DGKK: variants seen among roughly 807,000 people sequenced by gnomAD.
DGKK encodes the protein 142 kDa diacylglycerol kinase.
DGKK carries 35 observed loss-of-function variants against 92.2 expected under a neutral mutation model. That is an observed-to-expected ratio of 0.38 (90% CI 0.29 to 0.50). The LOEUF is 0.50. DGKK is among the 20% of genes least tolerant of loss of function. DGKK has a pLI of 0.92. For synonymous variants in DGKK, 368 were observed against 360.6 expected (o/e 1.02, Z -0.23); for missense variants, 910 against 992.2 (o/e 0.92, Z 1.11).
At chrX:50,445,188 G>T (rs111474516) in intron 1 of DGKK, among the ~76,000 whole-genome samples, 7,419 of 80,609 alleles carry the variant, frequency 0.092, 776 homozygotes, top group African/African-American at 0.32. Context: ...TTAGACCTTT[G>T]TCAGATGCAT....
At position 50,420,427 on chromosome X, in the gene DGKK, G is replaced by T; in HGVS notation, c.918C>A (p.Thr306=). ...CCTTATAAATTTCTCCCTGTTGGAT[G>T]GTTTTTATGATGTTAATCCATTCTT... ...DMEEWINIIK[T]IQQGEIYKIP... The change falls in exon 4 of 28, where the codon ACC becomes ACA. Residue 306 remains threonine, a synonymous_variant. Transcript: ENST00000611977. 1.7e-6 allele frequency: 2 copies of T among 1,209,623 alleles called. No homozygotes were observed. The highest frequency in any genetic ancestry group is 2.2e-6 in the Non-Finnish European group (2 of 894,200).
intron 25 of DGKK, among the ~76,000 whole-genome samples, chrX:50,372,653 C>T (rs1557223360): frequency 8.9e-6 from 1 of 111,812 alleles, no homozygotes; most frequent in African/African-American, 3.3e-5. Context: ...TAGTAACCCC[C>T]AGCGCCCACA....
At chrX:50,458,358 C>CCCA (rs1926662410) in intron 1 of DGKK, among the ~76,000 whole-genome samples, 1 of 109,912 alleles carries the variant, frequency 9.1e-6, no homozygotes, top group Non-Finnish European at 1.9e-5. Context: ...GTCTATAATA[C>CCCA]TGAAGATAAA....
At chrX:50,402,161 A>G (rs1194852121) in intron 7 of DGKK, among the ~76,000 whole-genome samples, 1 of 112,082 alleles carries the variant, frequency 8.9e-6, no homozygotes, top group African/African-American at 3.2e-5. Context: ...TAAGTCCAGC[A>G]CTTTGGGAGG....
chrX:50,371,312 A>G (rs1258256414), intron 26 of DGKK, among the ~76,000 whole-genome samples: 1 of 112,152 alleles, frequency 8.9e-6, no homozygotes, highest in African/African-American at 3.2e-5. Flanking sequence ...AACCATTTAG[A>G]ACAGGTATTG....
chrX:50,454,902 T>G (rs1405968440), intron 1 of DGKK, among the ~76,000 whole-genome samples: 1 of 112,284 alleles, frequency 8.9e-6, no homozygotes, highest in East Asian at 2.8e-4. Flanking sequence ...TTATTTGTCC[T>G]CTTTTATAAT....
chrX:50,405,050 A>G (rs2147130155), intron 4 of DGKK, among the ~76,000 whole-genome samples: 1 of 111,711 alleles, frequency 9.0e-6, no homozygotes, highest in Non-Finnish European at 1.9e-5. Context: ...CCAATAATCC[A>G]TTAAACAAAT....
intron 1 of DGKK, among the ~76,000 whole-genome samples, chrX:50,445,705 C>T (rs1398599850): frequency 9.0e-6 from 1 of 111,012 alleles, no homozygotes. Context: ...AATTTGAAGT[C>T]GAGTAACGTG....
Position 50,470,557 on chromosome X carries a change from G to A in DGKK, c.122C>T (p.Pro41Leu), listed in dbSNP as rs781932258. Residue 41 changes from proline (P) to leucine (L), a missense_variant, in exon 1 of 28, where the codon CCG (proline) becomes CTG (leucine). Pro to Leu is a moderately conservative substitution (Grantham distance 98). Coordinates refer to ENST00000611977, the MANE Select transcript of DGKK (RefSeq NM_001013742.4). ...PPPPPPPAPP[P>L]APPLLSEASP... Reference sequence around the variant, plus strand: ...AGCCTCGGAGAGCAGCGGCGGAGCCGGCGGCGGAGCCGGTGGTGGTGGCGG... The same window carrying A: ...AGCCTCGGAGAGCAGCGGCGGAGCCAGCGGCGGAGCCGGTGGTGGTGGCGG... 14 of 1,203,314 alleles carry A rather than the reference G, an allele frequency of 1.2e-5. No individual in the cohort carries two copies. Among genetic ancestry groups the A allele is most frequent in the Non-Finnish European group, 1.5e-5 (13 of 893,283 alleles).
rs1224070220 is a variant in DGKK at position 50,376,847 on chromosome X, C to T, written c.3183G>A (p.Leu1061=). Residue 1061 remains leucine, a synonymous_variant, in exon 23 of 28, where the codon CTG becomes CTA. Coordinates refer to ENST00000611977, the MANE Select transcript of DGKK (RefSeq NM_001013742.4). ...TEIQAAPQPQ[L]DFQDSQESLS... ...GGCTCTCTTGAGAGTCCTGGAAGTCCAGCTGGGGTTGAGGGGCAGCTTGAA... is the reference window on the plus strand; with the variant it reads ...GGCTCTCTTGAGAGTCCTGGAAGTCTAGCTGGGGTTGAGGGGCAGCTTGAA... 1.7e-6 allele frequency: 2 copies of T among 1,207,341 alleles called. No homozygotes were observed. The highest frequency in any genetic ancestry group is 2.2e-5 in the Admixed American group (1 of 45,660).
intron 1 of DGKK, among the ~76,000 whole-genome samples, chrX:50,459,319 T>C (rs1926687949): frequency 9.0e-6 from 1 of 111,117 alleles, no homozygotes; most frequent in South Asian, 3.8e-4. Flanking sequence ...AATAATGCCC[T>C]GCTATACGGA....
chrX:50,446,548 T>C (rs1926311295), intron 1 of DGKK, among the ~76,000 whole-genome samples: 1 of 111,759 alleles, frequency 8.9e-6, no homozygotes, highest in East Asian at 2.8e-4. Context: ...CTGTGTGCCT[T>C]TTGTCTCTTT....
rs1557232092 is a variant in DGKK, at chrX:50,447,413, TA to T, written c.645+22620del. Among the ~76,000 whole-genome samples the T allele has an allele frequency of 2.1e-3, 33 of 16,074 alleles. 4 individuals carry two copies. The African/African-American group carries it at 0.023, about 11-fold the overall frequency. 14.0% of individuals were successfully genotyped at this position (16,074 alleles called of 115,157 possible). A position where few individuals can be genotyped will look rare whatever the true frequency, so the allele number is the denominator to read the frequency against. On this transcript the variant is annotated intron_variant, in intron 1 of 27. Coordinates refer to ENST00000611977, the MANE Select transcript of DGKK (RefSeq NM_001013742.4). ...ATATATATTATATATATATATAATA[TA>T]TATATATATATATTATATATATATT...
chrX:50,440,806 T>C (rs782308856), intron 1 of DGKK, among the ~76,000 whole-genome samples: 4 of 112,038 alleles, frequency 3.6e-5, no homozygotes, highest in Admixed American at 2.8e-4. Context: ...TTCTATTTAG[T>C]TCTCGATTCT....
At chrX:50,434,736 T>C (rs1377701485) in intron 1 of DGKK, among the ~76,000 whole-genome samples, 2 of 111,413 alleles carry the variant, frequency 1.8e-5, no homozygotes, top group African/African-American at 6.5e-5. Context: ...TAATCCTGAA[T>C]TTTGCATATA....
intron 8 of DGKK, among the ~76,000 whole-genome samples, chrX:50,398,467 A>G (rs1924910742): frequency 8.9e-6 from 1 of 112,097 alleles, no homozygotes; most frequent in African/African-American, 3.2e-5. Flanking sequence ...GTGAGATTCA[A>G]TTGGATCAAG....
chrX:50,420,300 T>C (rs1170772882), intron 4 of DGKK, 103 bp downstream of exon 4: 1 of 718,884 alleles, frequency 1.4e-6, no homozygotes, highest in Non-Finnish European at 2.1e-6. Context: ...ACAGGTGGTC[T>C]CTGCTTCCAT....
At chrX:50,416,203 T>C (rs1484898206) in intron 4 of DGKK, among the ~76,000 whole-genome samples, 3 of 111,658 alleles carry the variant, frequency 2.7e-5, no homozygotes, top group Non-Finnish European at 5.6e-5. Flanking sequence ...CCTCCAGAAG[T>C]GTCAGAAAAA....
At chrX:50,453,467 G>GCTAT (rs1418489249) in intron 1 of DGKK, among the ~76,000 whole-genome samples, 1 of 111,247 alleles carries the variant, frequency 9.0e-6, no homozygotes, top group Non-Finnish European at 1.9e-5. Context: ...ACATTTTTTG[G>GCTAT]CTATAACATG....
Sources: allele counts gnomAD v4.1 joint callset (sites outside exome capture counted in the v4.1 genomes callset), GRCh38; gene constraint gnomAD v4.1.1; transcripts MANE v1.5; gene names NCBI Gene and HGNC (gene_info 2026-07-23, HGNC 2026-07-21).